CYP1B1: variants seen among roughly 807,000 people sequenced by gnomAD.
CYP1B1 encodes cytochrome P450 family 1 subfamily B member 1, also known as cytochrome P450 1B1.
Under a neutral mutation model 29.9 loss-of-function variants are expected in CYP1B1, and 22 were observed. The ratio of observed to expected loss-of-function variants is 0.74; its 90% CI spans 0.53 to 1.05. The LOEUF (loss-of-function observed/expected upper bound fraction) is 1.05. CYP1B1 is among the 50% of genes least tolerant of loss of function. The pLI, the probability that CYP1B1 is intolerant of heterozygous loss-of-function variation, is 0.00. For synonymous variants in CYP1B1, 375 were observed against 320.0 expected, an observed-to-expected ratio of 1.17 and a Z score of -1.83; for missense variants, 883 against 746.9, an observed-to-expected ratio of 1.18 and a Z score of -2.12.
chr2:38,075,549 A>AC (rs1682523345), intron 1 of CYP1B1, 160 bp from the exon 2 acceptor site: 4 of 706,352 alleles, frequency 5.7e-6, no homozygotes, highest in African/African-American at 5.2e-5. Flanking sequence ...CCCATCCCCA[A>AC]CCCACTCTCC....
intron 2 of CYP1B1, chr2:38,074,064 T>G (rs1682478834): frequency 7.5e-6 from 4 of 532,584 alleles, no homozygotes. Flanking sequence ...TTCCGGGGGG[T>G]GGAGGGGTCT....
At chr2:38,075,596 T>C in intron 1 of CYP1B1, 184 bp downstream of exon 1, 1 of 611,560 alleles carries the variant, frequency 1.6e-6, no homozygotes, top group South Asian at 1.9e-5. Flanking sequence ...CACCTCGCTG[T>C]AACCCAGCGC....
chr2:38,075,621 C>T (rs1682524373), intron 1 of CYP1B1, 159 bp downstream of exon 1: 4 of 592,186 alleles, frequency 6.8e-6, no homozygotes, highest in Non-Finnish European at 1.2e-5. Context: ...CCCTTCCCCT[C>T]CCCGCAAGGC....
At position 38,072,587 on chromosome 2, in the gene CYP1B1, GA is replaced by G. The variant is rs1297341476; in HGVS notation, c.1044-1278del. On this transcript the variant is annotated intron_variant, in intron 2 of 2. Transcript: ENST00000610745. ...CAAGTAACTGATTGTTTGCAACTCCGAAAAAAAATGTATACACGTATGTGAT... is the reference window on the plus strand; with the variant it reads ...CAAGTAACTGATTGTTTGCAACTCCGAAAAAAATGTATACACGTATGTGAT... Among the ~76,000 whole-genome samples the G allele has an allele frequency of 5.9e-5, 9 of 151,792 alleles. No homozygotes were observed. The South Asian group carries it at 1.9e-3, about 31-fold the overall frequency.
Position 38,070,682 on chromosome 2 carries a change from G to T in CYP1B1, c.*40C>A. On this transcript the variant is annotated 3_prime_UTR_variant, in exon 3 of 3. Transcript: ENST00000610745. Reference sequence around the variant, plus strand: ...CTGAATTTTACTCCTCATCTCCGAAGATGTGAATATTTCTAAAATTTCAGC... The same window carrying T: ...CTGAATTTTACTCCTCATCTCCGAATATGTGAATATTTCTAAAATTTCAGC... 6.4e-7 allele frequency: 1 copy of T among 1,558,996 alleles called. No homozygotes were observed. Among genetic ancestry groups the T allele is most frequent in the Non-Finnish European group, 8.8e-7 (1 of 1,129,944 alleles).
chr2:38,071,411 A>G, intron 2 of CYP1B1, 101 bp from the exon 3 acceptor site: 1 of 1,075,680 alleles, frequency 9.3e-7, no homozygotes, highest in South Asian at 1.3e-5. Flanking sequence ...TTTTTCTTAA[A>G]TAGGCTATCT....
chr2:38,075,726 T>C (rs1682526573), intron 1 of CYP1B1, 54 bp downstream of exon 1: 2 of 414,580 alleles, frequency 4.8e-6, no homozygotes, highest in East Asian at 9.7e-5. Flanking sequence ...ACCCGCTACC[T>C]GTAATAATCC....
rs1056836 is a variant in CYP1B1 at position 38,071,060 on chromosome 2, G to C, written c.1294C>G (p.Leu432Val). The change falls in exon 3 of 3, where the codon CTG becomes GTG. Residue 432 changes from leucine to valine, a missense_variant. By Grantham distance (32) the Leu-to-Val change is conservative. Transcript: ENST00000610745. Reference protein sequence around the residue: ...VNQWSVNHDPLKWPNPENFDP... With the variant: ...VNQWSVNHDPVKWPNPENFDP... The stretch of plus-strand genomic sequence containing the variant: ...AAGTTCTCCGGGTTAGGCCACTTCA[G>C]TGGGTCATGATTCACAGACCACTGG... 685,173 of 1,613,386 alleles carry C rather than the reference G, an allele frequency of 0.42. 156,236 individuals carry two copies. Among genetic ancestry groups the C allele is most frequent in the African/African-American group, 0.78 (58,263 of 74,942 alleles).
At chr2:38,075,753 G>C (rs924690063) in intron 1 of CYP1B1, 27 bp downstream of exon 1, 1 of 311,974 alleles carries the variant, frequency 3.2e-6, no homozygotes, top group Non-Finnish European at 6.1e-6. Context: ...AGAGGTCGCC[G>C]GGCAGCGCCT....
At position 38,074,522 on chromosome 2, in the gene CYP1B1, G is replaced by T; in HGVS notation, c.867C>A (p.Pro289=). Residue 289 remains proline (P), a synonymous_variant, in exon 2 of 3, where the codon CCC becomes CCA. Coordinates refer to ENST00000610745, the MANE Select transcript of CYP1B1 (RefSeq NM_000104.4). ...HCESLRPGAA[P]RDMMDAFILS... is the part of the protein sequence containing the mutation. ...GGATAAAGGCGTCCATCATGTCGCG[G>T]GGGGCGGCCCCGGGCCGAAGGCTTT... is the stretch of plus-strand genomic sequence containing the variant. 1 of 1,608,818 alleles carries T rather than the reference G, an allele frequency of 6.2e-7. No homozygotes were observed. Among genetic ancestry groups the T allele is most frequent in the South Asian group, 1.1e-5 (1 of 90,346 alleles).
Position 38,070,396 on chromosome 2 carries a change from G to T in CYP1B1, c.*326C>A. ...TGCTTCATTCAGTAGTTTGGTGTAAGTGTTTGGGTGTATGTGTCTATATGT... is the reference window on the plus strand; with the variant it reads ...TGCTTCATTCAGTAGTTTGGTGTAATTGTTTGGGTGTATGTGTCTATATGT... On this transcript the variant is annotated 3_prime_UTR_variant, in exon 3 of 3. Coordinates refer to ENST00000610745, the MANE Select transcript of CYP1B1 (RefSeq NM_000104.4). 1 of 378,242 alleles carries T rather than the reference G, an allele frequency of 2.6e-6. No individual in the cohort carries two copies. Among genetic ancestry groups the T allele is most frequent in the Non-Finnish European group, 4.8e-6 (1 of 207,002 alleles). The allele number at this position is 378,242 out of a possible 1,614,324, so 23.4% of individuals were successfully genotyped here. A position where few individuals can be genotyped will look rare whatever the true frequency, so the allele number is the denominator to read the frequency against.
At position 38,074,873 on chromosome 2, in the gene CYP1B1, G is replaced by C. The variant is rs1682500247; in HGVS notation, c.516C>G (p.Ser172Arg). The change falls in exon 2 of 3, where the codon AGC becomes AGG. Residue 172 changes from serine (S) to arginine (R), a missense_variant. Physicochemically the swap from Ser to Arg is moderately radical, Grantham distance 110. Transcript: ENST00000610745. The stretch of plus-strand genomic sequence containing the variant: ...GCAGCGCCACCAGCTCGCGCGCCTC[G>C]CTCAGCACGTGGCCCTCGAGGACTT... ...SRQVLEGHVL[S>R]EARELVALLV... 1 of 1,554,698 alleles carries C rather than the reference G, an allele frequency of 6.4e-7. No individual in the cohort carries two copies. The highest frequency in any genetic ancestry group is 8.7e-7 in the Non-Finnish European group (1 of 1,152,122).
Position 38,075,109 on chromosome 2 carries a change from T to G in CYP1B1, c.280A>C (p.Ile94Leu), listed in dbSNP as rs775748457. 2.5e-6 allele frequency: 4 copies of G among 1,579,720 alleles called. No individual in the cohort carries two copies. Among genetic ancestry groups the G allele is most frequent in the Non-Finnish European group, 3.4e-6 (4 of 1,170,828 alleles). ...VFQIRLGSCP[I>L]VVLNGERAIH... ...GCGCGCTCGCCATTCAGCACCACTA[T>G]GGGGCAGCTGCCCAGGCGGATCTGG... Residue 94 changes from isoleucine to leucine, a missense_variant, in exon 2 of 3, where the codon ATA becomes CTA. Physicochemically the swap from Ile to Leu is conservative, Grantham distance 5. Transcript: ENST00000610745.
In CYP1B1 at chr2:38,075,167, G is replaced by A. The variant is rs780660283; in HGVS notation, c.222C>T (p.Phe74=). The change falls in exon 2 of 3, where the codon TTC becomes TTT. Residue 74 remains phenylalanine (F), a synonymous_variant. Transcript: ENST00000610745. ...AAVGQAAHLS[F]ARLARRYGDV... is the part of the protein sequence containing the mutation. ...CGCCGTAGCGCCGCGCCAGGCGAGC[G>A]AACGAGAGGTGAGCCGCCTGGCCCA... 1 of 1,570,092 alleles carries A rather than the reference G, an allele frequency of 6.4e-7. No individual in the cohort carries two copies.
chr2:38,074,849 C>T lies in CYP1B1; in HGVS notation c.540G>A (p.Leu180=), dbSNP rs1270706203. ...CGCCGTCCGCGCTGCCGCGCACCAG[C>T]AGCGCCACCAGCTCGCGCGCCTCGC... ...VLSEARELVA[L]LVRGSADGAF... Residue 180 remains leucine (L), a synonymous_variant, in exon 2 of 3, where the codon CTG becomes CTA. Coordinates refer to ENST00000610745, the MANE Select transcript of CYP1B1 (RefSeq NM_000104.4). The T allele has an allele frequency of 1.0e-5, 16 of 1,562,952 alleles. No homozygotes were observed. Among genetic ancestry groups the T allele is most frequent in the African/African-American group, 1.4e-5 (1 of 73,746 alleles).
rs1682374558 is a variant in CYP1B1 at position 38,069,059 on chromosome 2, A to C, written c.*1663T>G. ...AACTTTCTTTGGAAGTTTAATTGCA[A>C]TGAACTTTAAAACTTGAAACTTCAA... On this transcript the variant is annotated 3_prime_UTR_variant, in exon 3 of 3. Transcript: ENST00000610745. 8.9e-6 allele frequency: 2 copies of C among 225,828 alleles called. No homozygotes were observed. The highest frequency in any genetic ancestry group is 1.1e-4 in the Admixed American group (2 of 17,572). The allele number at this position is 225,828 out of a possible 1,614,324, so 14.0% of individuals were successfully genotyped here. A position where few individuals can be genotyped will look rare whatever the true frequency, so the allele number is the denominator to read the frequency against.
Position 38,067,635 on chromosome 2 carries a change from T to C in CYP1B1, c.*3087A>G, listed in dbSNP as rs1168017085. On this transcript the variant is annotated 3_prime_UTR_variant, in exon 3 of 3. Coordinates refer to ENST00000610745, the MANE Select transcript of CYP1B1 (RefSeq NM_000104.4). Reference sequence around the variant, plus strand: ...ATGAAAGTGATTTTTATTATTTTGGTAATGGTGTCCCAGTATAAGTAATGA... The same window carrying C: ...ATGAAAGTGATTTTTATTATTTTGGCAATGGTGTCCCAGTATAAGTAATGA... 5.6e-6 allele frequency: 1 copy of C among 177,000 alleles called. No homozygotes were observed. The highest frequency in any genetic ancestry group is 6.3e-5 in the Admixed American group (1 of 15,814). The allele number at this position is 177,000 out of a possible 1,614,324, so 11.0% of individuals were successfully genotyped here. A position where few individuals can be genotyped will look rare whatever the true frequency, so the allele number is the denominator to read the frequency against.
At position 38,074,752 on chromosome 2, in the gene CYP1B1, G is replaced by T. The variant is rs750823559; in HGVS notation, c.637C>A (p.Arg213Ser). The T allele has an allele frequency of 3.7e-6, 6 of 1,601,604 alleles. No homozygotes were observed. In the African/African-American group the frequency reaches 8.0e-5, roughly 21 times the overall value. ...AACTCGGGGTCGTCGTGGCTGTAGC[G>T]GCAGCCGAAACACACGGCACTCATG... ...NVMSAVCFGCRYSHDDPEFRE... is the reference protein window; with the variant it reads ...NVMSAVCFGCSYSHDDPEFRE... The change falls in exon 2 of 3, where the codon CGC becomes AGC. Residue 213 changes from arginine (R) to serine (S), a missense_variant. By Grantham distance (110) the Arg-to-Ser change is moderately radical. Coordinates refer to ENST00000610745, the MANE Select transcript of CYP1B1 (RefSeq NM_000104.4).
rs1228223399 is a variant in CYP1B1 at position 38,075,045 on chromosome 2, G to A, written c.344C>T (p.Ala115Val). The A allele has an allele frequency of 1.9e-6, 3 of 1,587,746 alleles. No homozygotes were observed. Among genetic ancestry groups the A allele is most frequent in the East Asian group, 2.3e-5 (1 of 44,204 alleles). The stretch of plus-strand genomic sequence containing the variant: ...GAAGGAGGCGAAGGCCGGCCGGTCG[G>A]CGAAGGCCGAGCCCTGCTGCACCAG... The part of the protein sequence containing the change: ...QALVQQGSAF[A>V]DRPAFASFRV... Residue 115 changes from alanine to valine, a missense_variant, in exon 2 of 3, where the codon GCC becomes GTC. Coordinates refer to ENST00000610745, the MANE Select transcript of CYP1B1 (RefSeq NM_000104.4).
Sources: gnomAD v4.1 joint callset for allele counts (sites outside exome capture counted in the v4.1 genomes callset) on GRCh38, gnomAD v4.1.1 for gene constraint, MANE v1.5 for transcripts, NCBI Gene and HGNC (gene_info 2026-07-23, HGNC 2026-07-21) for gene names.